Variants in PCSK7 observed in about 807,000 individuals in gnomAD.
PCSK7 encodes the protein proprotein convertase subtilisin/kexin type 7, also known as lymphoma proprotein convertase.
A neutral mutation model predicts 73.3 loss-of-function variants in PCSK7; 38 were observed. The observed-to-expected ratio is 0.52, with a 90% CI of 0.40 to 0.68. The LOEUF (loss-of-function observed/expected upper bound fraction) is 0.68, where lower values mean the gene tolerates loss of function less well. Among genes scored for constraint, PCSK7 ranks in the 30% least tolerant of loss-of-function variants. The pLI is 0.00. For missense variants in PCSK7, 692 were observed against 991.5 expected (o/e 0.70, Z 4.06); for synonymous variants, 296 against 383.8 (o/e 0.77, Z 2.68).
At chr11:117,231,218 C>CT (rs2134339734) in intron 1 of PCSK7, 1 of 152,282 alleles carries the variant, frequency 6.6e-6, no homozygotes, top group South Asian at 2.1e-4. Flanking sequence ...CCAAGCGGCT[C>CT]TACCTCAAAG....
In PCSK7 at chr11:117,205,230, G is replaced by C; in HGVS notation, c.*767C>G. Reference sequence around the variant, plus strand: ...AAGGTTGAGAGAAGAGTCACAGCCTGTCAGGCAGATAGCTGGCCTCCGGCG... The same window carrying C: ...AAGGTTGAGAGAAGAGTCACAGCCTCTCAGGCAGATAGCTGGCCTCCGGCG... On this transcript the variant is annotated 3_prime_UTR_variant, in exon 17 of 17. Transcript: ENST00000320934. 4.3e-6 allele frequency: 1 copy of C among 233,758 alleles called. No homozygotes were observed. The highest frequency in any genetic ancestry group is 8.5e-6 in the Non-Finnish European group (1 of 118,028). The allele number at this position is 233,758 out of a possible 1,614,324, so 14.5% of individuals were successfully genotyped here. A position where few individuals can be genotyped will look rare whatever the true frequency, so the allele number is the denominator to read the frequency against.
Position 117,205,114 on chromosome 11 carries a change from A to T in PCSK7, c.*883T>A, listed in dbSNP as rs1243629978. 2 of 229,996 alleles carry T rather than the reference A, an allele frequency of 8.7e-6. No individual in the cohort carries two copies. The highest frequency in any genetic ancestry group is 2.2e-5 in the African/African-American group (1 of 45,240). 14.2% of individuals were successfully genotyped at this position (229,996 alleles called of 1,614,324 possible). On this transcript the variant is annotated 3_prime_UTR_variant, in exon 17 of 17. Coordinates refer to ENST00000320934, the MANE Select transcript of PCSK7 (RefSeq NM_004716.4). The stretch of plus-strand genomic sequence containing the variant: ...ATTTTGGAAAAGCTGTGCAGAAAAA[A>T]ATTCAAGAAAATGTTGCTGTGAAAA...
Position 117,204,408 on chromosome 11 carries a change from G to A in PCSK7, c.*1589C>T, listed in dbSNP as rs2031248388. 3.1e-6 allele frequency: 5 copies of A among 1,613,024 alleles called. No individual in the cohort carries two copies. The highest frequency in any genetic ancestry group is 1.3e-5 in the African/African-American group (1 of 74,928). ...CCGGCCCTCCCCCAGCTCCTTGGCTGCAGCCATCCCGCTTAGCCTGCCTCA... is the reference window on the plus strand; with the variant it reads ...CCGGCCCTCCCCCAGCTCCTTGGCTACAGCCATCCCGCTTAGCCTGCCTCA... On this transcript the variant is annotated 3_prime_UTR_variant, in exon 17 of 17. Transcript: ENST00000320934.
chr11:117,230,917 C>T (rs1347041966), intron 1 of PCSK7, among the ~76,000 whole-genome samples: 4 of 152,020 alleles, frequency 2.6e-5, no homozygotes, highest in African/African-American at 9.7e-5. Flanking sequence ...CAGGAGAGAA[C>T]GAATGATGAG....
intron 8 of PCSK7, chr11:117,223,854 G>T: frequency 1.8e-6 from 1 of 550,212 alleles, no homozygotes. Context: ...GTGGTGGGGT[G>T]GAGGCAGCTC....
chr11:117,223,404 G>C (rs952332231), intron 8 of PCSK7, 96 bp from the exon 9 acceptor site: 2 of 766,724 alleles, frequency 2.6e-6, no homozygotes, highest in Non-Finnish European at 2.3e-6. Context: ...CCATCCTGGG[G>C]GGCTGTCCTG....
intron 1 of PCSK7, chr11:117,231,825 C>G (rs936028668): frequency 6.6e-6 from 1 of 152,406 alleles, no homozygotes; most frequent in Non-Finnish European, 1.5e-5. Context: ...CGGCCTCGAT[C>G]GCTCCGTGCA....
chr11:117,219,023 C>T (rs1417683630), intron 11 of PCSK7, 34 bp downstream of exon 11: 1 of 1,468,354 alleles, frequency 6.8e-7, no homozygotes, highest in Non-Finnish European at 9.4e-7. Context: ...GGTCACTCCA[C>T]ACAGGGCACC....
chr11:117,223,325 G>C lies in PCSK7; in HGVS notation c.1055-17C>G, dbSNP rs767112859. The C allele has an allele frequency of 6.6e-7, 1 of 1,505,498 alleles. No individual in the cohort carries two copies. The highest frequency in any genetic ancestry group is 9.2e-7 in the Non-Finnish European group (1 of 1,081,174). 93.3% of individuals were successfully genotyped at this position (1,505,498 alleles called of 1,614,324 possible). A position where few individuals can be genotyped will look rare whatever the true frequency, so the allele number is the denominator to read the frequency against. On this transcript the variant is annotated splice_polypyrimidine_tract_variant and intron_variant, in intron 8 of 16. Coordinates refer to ENST00000320934, the MANE Select transcript of PCSK7 (RefSeq NM_004716.4). ...CCACAGCTCCTAGGGACAGAGGAGGGAGATTAGAGCTGAGATGCAGAGGGG... is the reference window on the plus strand; with the variant it reads ...CCACAGCTCCTAGGGACAGAGGAGGCAGATTAGAGCTGAGATGCAGAGGGG...
chr11:117,223,618 C>T, intron 8 of PCSK7: 1 of 420,602 alleles, frequency 2.4e-6, no homozygotes. Context: ...TACCCATCTA[C>T]TGTGGGTCAC....
In PCSK7 at chr11:117,224,174, C is replaced by G; in HGVS notation, c.958G>C (p.Gly320Arg). The G allele has an allele frequency of 6.2e-7, 1 of 1,614,182 alleles. No homozygotes were observed. The highest frequency in any genetic ancestry group is 2.2e-5 in the East Asian group (1 of 44,882). The change falls in exon 8 of 17, where the codon GGG (glycine) becomes CGG (arginine). Residue 320 changes from glycine (G) to arginine (R), a missense_variant. By Grantham distance (125) the Gly-to-Arg change is moderately radical (BLOSUM62 -2). Around this residue, in one of 6 missense-constraint regions of PCSK7, gnomAD observed 574 missense variants for 689.8 expected, o/e 0.83. Transcript: ENST00000320934. ...CCACTGGCTACCACAAAGATGCTCC[C>G]AAAGCCCTGGCGACCAGCAATCACC... ...HGVIAGRQGF[G>R]SIFVVASGNG...
intron 12 of PCSK7, chr11:117,215,242 C>T (rs2031909617): frequency 6.6e-6 from 1 of 151,548 alleles, no homozygotes; most frequent in African/African-American, 2.4e-5. Context: ...GTCATCCAGG[C>T]TGGAGTGCAA....
chr11:117,229,707 G>A lies in PCSK7; in HGVS notation c.138C>T (p.Gly46=), dbSNP rs759351622. The A allele has an allele frequency of 2.5e-6, 4 of 1,613,934 alleles. No individual in the cohort carries two copies. The highest frequency in any genetic ancestry group is 2.2e-5 in the South Asian group (2 of 91,080). Residue 46 remains glycine (G), a synonymous_variant, in exon 3 of 17, where the codon GGC becomes GGT. Transcript: ENST00000320934. ...MGLAGTGGPD[G]QGTGGPSWAV... ...CCCAGCTCGGCCCCCCTGTGCCCTG[G>A]CCATCAGGCCCACCTGTCCCTGCCA...
At chr11:117,214,813 C>G (rs995265315) in intron 12 of PCSK7, 1 of 152,214 alleles carries the variant, frequency 6.6e-6, no homozygotes, top group Non-Finnish European at 1.5e-5. Flanking sequence ...GAGGGAAGAC[C>G]TGGAGAGGAG....
chr11:117,224,622 G>A (rs2032339048), intron 7 of PCSK7, 79 bp downstream of exon 7: 1 of 1,143,898 alleles, frequency 8.7e-7, no homozygotes, highest in Admixed American at 1.7e-5. Context: ...GTGGGAAGAT[G>A]GGTCAACTTG....
At chr11:117,212,450 G>A (rs2031772714) in intron 12 of PCSK7, 1 of 141,046 alleles carries the variant, frequency 7.1e-6, no homozygotes, top group South Asian at 2.2e-4. Context: ...CTGTTGCCTA[G>A]GCTGGAGTGC....
In PCSK7 at chr11:117,205,387, C is replaced by T. The variant is rs1395423096; in HGVS notation, c.*610G>A. 1 of 233,396 alleles carries T rather than the reference C, an allele frequency of 4.3e-6. No individual in the cohort carries two copies. The highest frequency in any genetic ancestry group is 8.5e-6 in the Non-Finnish European group (1 of 117,972). 14.5% of individuals were successfully genotyped at this position (233,396 alleles called of 1,614,324 possible). A position where few individuals can be genotyped will look rare whatever the true frequency, so the allele number is the denominator to read the frequency against. The stretch of plus-strand genomic sequence containing the variant: ...GCTCTGCAGTCCTGCCGCAGGATTC[C>T]CTAGTGAAGCAGCTCAGGCCTGGGG... On this transcript the variant is annotated 3_prime_UTR_variant, in exon 17 of 17. Coordinates refer to ENST00000320934, the MANE Select transcript of PCSK7 (RefSeq NM_004716.4).
Position 117,228,323 on chromosome 11 carries a change from T to A in PCSK7, c.496A>T (p.Ile166Phe). 6.2e-7 allele frequency: 1 copy of A among 1,614,112 alleles called. No individual in the cohort carries two copies. The highest frequency in any genetic ancestry group is 8.5e-7 in the Non-Finnish European group (1 of 1,179,976). ...LNNRRSPGRD[I>F]NVTGVWERNV... ...CGTTCCCACACACCCGTCACGTTGA[T>A]GTCCCTGCCCGGGCTCCGTCGGTTA... is the stretch of plus-strand genomic sequence containing the variant. Residue 166 changes from isoleucine to phenylalanine, a missense_variant, in exon 4 of 17, where the codon ATC becomes TTC. By Grantham distance (21) the Ile-to-Phe change is conservative. Transcript: ENST00000320934.
At position 117,213,166 on chromosome 11, in the gene PCSK7, A is replaced by T. The variant is rs888995168; in HGVS notation, c.1535-4113T>A. On this transcript the variant is annotated intron_variant, in intron 12 of 16. Transcript: ENST00000320934. The stretch of plus-strand genomic sequence containing the variant: ...TCACTGTCTTCCCTACCAGGTTGTA[A>T]GCTCGTTGAAGGCAGGAATAGTGTC... 4.6e-5 allele frequency: 7 copies of T among 152,234 alleles called. No homozygotes were observed. In the East Asian group the frequency reaches 1.3e-3, roughly 29 times the overall value. The allele number at this position is 152,234 out of a possible 1,614,324, so 9.4% of individuals were successfully genotyped here. A position where few individuals can be genotyped will look rare whatever the true frequency, so the allele number is the denominator to read the frequency against.
Sources: gnomAD v4.1 joint callset for allele counts (sites outside exome capture counted in the v4.1 genomes callset) on GRCh38, gnomAD v4.1.1 for gene constraint, gnomAD v4.1.1 regional missense constraint, MANE v1.5 for transcripts, NCBI Gene and HGNC (gene_info 2026-07-23, HGNC 2026-07-21) for gene names.